Variants in MYO18B observed in about 807,000 individuals in gnomAD.
MYO18B encodes the protein myosin XVIIIB, also known as unconventional myosin-XVIIIb.
A neutral mutation model predicts 273.0 loss-of-function variants in MYO18B; 204 were observed. The ratio of observed to expected loss-of-function variants is 0.75; its 90% CI spans 0.67 to 0.84. MYO18B has a LOEUF of 0.84. Ranked by LOEUF, MYO18B falls within the 40% of genes least tolerant of loss-of-function variation. The probability of loss-of-function intolerance (pLI) is 0.00; values close to 1 mark genes in which losing one functional copy is unlikely to be tolerated. For missense variants in MYO18B, 3,212 were observed against 3,287.6 expected (o/e 0.98, Z 0.56); for synonymous variants, 1,330 against 1,305.7 (o/e 1.02, Z -0.40).
intron 9 of MYO18B, among the ~76,000 whole-genome samples, chr22:25,781,280 A>G (rs949129627): frequency 1.6e-4 from 24 of 152,214 alleles, no homozygotes; most frequent in African/African-American, 5.8e-4. Flanking sequence ...GGAGGTTGCC[A>G]GCAAAATTAA....
At chr22:25,972,338 A>G (rs1314507032) in intron 39 of MYO18B, among the ~76,000 whole-genome samples, 1 of 152,116 alleles carries the variant, frequency 6.6e-6, no homozygotes, top group Non-Finnish European at 1.5e-5. Flanking sequence ...TGCATTATGT[A>G]TAGCTTGTAT....
chr22:26,044,779 T>A, the MYO18B span, among the ~76,000 whole-genome samples: 1 of 152,194 alleles, frequency 6.6e-6, no homozygotes, highest in Non-Finnish European at 1.5e-5. Flanking sequence ...CAGGAAGGAC[T>A]TCAGAGAGGA....
intron 17 of MYO18B, among the ~76,000 whole-genome samples, chr22:25,836,608 C>T (rs1217246596): frequency 1.3e-5 from 2 of 152,074 alleles, no homozygotes; most frequent in East Asian, 1.9e-4. Context: ...AAGACAGATT[C>T]AAAACATGGT....
chr22:25,938,752 G>A (rs1200652060), intron 34 of MYO18B, among the ~76,000 whole-genome samples: 1 of 152,202 alleles, frequency 6.6e-6, no homozygotes. Context: ...TTGTTACTCT[G>A]TCACAGGGTT....
intron 12 of MYO18B, among the ~76,000 whole-genome samples, chr22:25,813,474 G>T (rs998121017): frequency 1.3e-5 from 2 of 152,148 alleles, no homozygotes; most frequent in African/African-American, 2.4e-5. Flanking sequence ...GATGCTGGGG[G>T]CAAGAATTCT....
intron 29 of MYO18B, among the ~76,000 whole-genome samples, chr22:25,901,678 A>G (rs1319567110): frequency 6.6e-6 from 1 of 152,028 alleles, no homozygotes; most frequent in Non-Finnish European, 1.5e-5. Flanking sequence ...AATGTAGAAT[A>G]TCCTCATTCT....
chr22:25,895,032 C>G (rs1268921646), intron 27 of MYO18B, 124 bp from the exon 28 acceptor site: 3 of 1,203,476 alleles, frequency 2.5e-6, no homozygotes, highest in Non-Finnish European at 3.5e-6. Flanking sequence ...GGTTGAGGCT[C>G]AAGGGCTCTG....
chr22:26,038,427 C>T, the MYO18B span, among the ~76,000 whole-genome samples: 3 of 150,276 alleles, frequency 2.0e-5, no homozygotes, highest in Admixed American at 6.6e-5. Flanking sequence ...ATCTCATGAG[C>T]CTTCTCAGGT....
chr22:25,947,655 T>A, intron 35 of MYO18B, 57 bp from the exon 36 acceptor site: 1 of 1,355,250 alleles, frequency 7.4e-7, no homozygotes. Context: ...CCTCTGGACC[T>A]TGCTGCCCAT....
At chr22:25,784,203 T>G (rs4822651) in intron 10 of MYO18B, among the ~76,000 whole-genome samples, 159 of 152,312 alleles carry the variant, frequency 1.0e-3, no homozygotes, top group Non-Finnish European at 1.8e-3. Flanking sequence ...ATCTTTGAAT[T>G]GGGGCCCTGT....
the MYO18B span, among the ~76,000 whole-genome samples, chr22:26,044,099 C>T: frequency 3.3e-5 from 5 of 152,124 alleles, no homozygotes; most frequent in Non-Finnish European, 7.3e-5. Flanking sequence ...GAGGTTGAAC[C>T]CATTTTCAAG....
chr22:25,860,595 A>ATTTC (rs2090702981), intron 21 of MYO18B, among the ~76,000 whole-genome samples: 1 of 152,160 alleles, frequency 6.6e-6, no homozygotes, highest in Non-Finnish European at 1.5e-5. Flanking sequence ...CCCGTTGTTT[A>ATTTC]TTAAGAAGTG....
chr22:25,864,234 C>A (rs1230700756), intron 21 of MYO18B, among the ~76,000 whole-genome samples: 1 of 152,184 alleles, frequency 6.6e-6, no homozygotes, highest in Admixed American at 6.5e-5. Flanking sequence ...CTCACTGTTT[C>A]TACCTGAGAT....
intron 21 of MYO18B, among the ~76,000 whole-genome samples, chr22:25,866,122 A>G (rs972673409): frequency 2.6e-5 from 4 of 152,124 alleles, no homozygotes; most frequent in Admixed American, 2.0e-4. Context: ...TCTTTGACCC[A>G]TGGAATTGAA....
Position 25,781,541 on chromosome 22 carries a change from C to T in MYO18B, c.2212-193C>T, listed in dbSNP as rs5761178. Among the ~76,000 whole-genome samples the T allele has an allele frequency of 0.38, 57,139 of 148,706 alleles. 10,956 individuals are homozygous for T. The highest frequency in any genetic ancestry group is 0.44 in the African/African-American group (17,858 of 40,364). On this transcript the variant is annotated intron_variant, in intron 9 of 43. Transcript: ENST00000335473. ...AGGAGAATAGCGTGAAGCTGGGAGGCGGAGCTTGCAGTGAGCCGAGATCAC... is the reference window on the plus strand; with the variant it reads ...AGGAGAATAGCGTGAAGCTGGGAGGTGGAGCTTGCAGTGAGCCGAGATCAC...
intron 7 of MYO18B, among the ~76,000 whole-genome samples, chr22:25,777,228 A>G (rs1384252848): frequency 6.6e-6 from 1 of 152,220 alleles, no homozygotes; most frequent in Non-Finnish European, 1.5e-5. Flanking sequence ...GTAATGGATA[A>G]TTATGCTATC....
At chr22:25,795,224 T>C (rs1477376596) in intron 11 of MYO18B, among the ~76,000 whole-genome samples, 3 of 152,256 alleles carry the variant, frequency 2.0e-5, no homozygotes, top group African/African-American at 7.2e-5. Flanking sequence ...CTTTCTGTTT[T>C]CATGATTTTG....
intron 25 of MYO18B, among the ~76,000 whole-genome samples, chr22:25,886,082 G>A (rs8137500): frequency 0.017 from 2,523 of 152,310 alleles, 67 homozygotes; most frequent in African/African-American, 0.056. Context: ...TTCGGTGAGC[G>A]TTTGCACCTT....
the MYO18B span, among the ~76,000 whole-genome samples, chr22:26,043,667 C>T: frequency 7.2e-5 from 11 of 151,798 alleles, no homozygotes; most frequent in African/African-American, 1.2e-4. Flanking sequence ...TGCGCCACCA[C>T]GTCCGGCTAA....
Sources: allele counts gnomAD v4.1 joint callset (sites outside exome capture counted in the v4.1 genomes callset), GRCh38; gene constraint gnomAD v4.1.1; transcripts MANE v1.5; gene names NCBI Gene and HGNC (gene_info 2026-07-23, HGNC 2026-07-21).